Variants in DYNC1H1 observed in about 807,000 individuals in gnomAD.
DYNC1H1 encodes cytoplasmic dynein 1 heavy chain 1.
A neutral mutation model predicts 527.1 loss-of-function variants in DYNC1H1; 51 were observed. The ratio of observed to expected loss-of-function variants is 0.10; its 90% CI spans 0.08 to 0.12. The LOEUF (loss-of-function observed/expected upper bound fraction) is 0.12, where lower values mean the gene tolerates loss of function less well. DYNC1H1 is among the 10% of genes least tolerant of loss of function. The pLI is 1.00. For synonymous variants in DYNC1H1, 2,189 were observed against 2,278.8 expected, an observed-to-expected ratio of 0.96 and a Z score of 1.12; for missense variants, 2,771 against 5,971.8, an observed-to-expected ratio of 0.46 and a Z score of 17.66.
In DYNC1H1 at chr14:102,015,837, C is replaced by T; in HGVS notation, c.7243-19C>T. 1.2e-6 allele frequency: 2 copies of T among 1,613,022 alleles called. No individual in the cohort carries two copies. Among genetic ancestry groups the T allele is most frequent in the Non-Finnish European group, 1.7e-6 (2 of 1,179,196 alleles). On this transcript the variant is annotated intron_variant, in intron 35 of 77. Coordinates refer to ENST00000360184, the MANE Select transcript of DYNC1H1 (RefSeq NM_001376.5). The surrounding 1 kb of genome is among the most constrained non-coding windows in gnomAD (Gnocchi z 6.9). ...TGCCTTTTGAAAGATAGTTAAGTAT[C>T]ACTCCTTCCACTTTCTAGATCCAAA...
At chr14:102,024,788 G>C (rs2152587689) in intron 43 of DYNC1H1, among the ~76,000 whole-genome samples, 1 of 148,152 alleles carries the variant, frequency 6.7e-6, no homozygotes, top group East Asian at 2.0e-4. Context: ...TCCGCCTCCT[G>C]GGTTCACCCC....
intron 18 of DYNC1H1, chr14:102,000,737 G>C: frequency 1.9e-6 from 1 of 531,122 alleles, no homozygotes; most frequent in Non-Finnish European, 3.4e-6. Context: ...ACCACGCCCG[G>C]CTAATTTTGT....
chr14:101,992,104 T>C (rs1210737930), intron 11 of DYNC1H1, among the ~76,000 whole-genome samples: 2 of 152,186 alleles, frequency 1.3e-5, no homozygotes, highest in Non-Finnish European at 2.9e-5. Context: ...AAATCTCAGA[T>C]ATAATATACT....
intron 48 of DYNC1H1, 190 bp downstream of exon 48, chr14:102,028,331 G>T: frequency 3.3e-6 from 2 of 612,328 alleles, no homozygotes; most frequent in Non-Finnish European, 5.7e-6. Flanking sequence ...GGGCAACATG[G>T]CGAGACCCCA....
intron 8 of DYNC1H1, 42 bp from the exon 9 acceptor site, chr14:101,987,411 G>A: frequency 1.9e-6 from 3 of 1,571,430 alleles, no homozygotes; most frequent in Non-Finnish European, 2.6e-6. Flanking sequence ...AAGGAACAGA[G>A]TGTGAGTGGG....
Position 102,038,141 on chromosome 14 carries a change from G to C in DYNC1H1, c.10909-319G>C, listed in dbSNP as rs1415804978. Reference sequence around the variant, plus strand: ...TACAGGCATGTGCCATACACCCCCAGCTAACTTTCGTATTTTTAGTAGAGA... The same window carrying C: ...TACAGGCATGTGCCATACACCCCCACCTAACTTTCGTATTTTTAGTAGAGA... On this transcript the variant is annotated intron_variant, in intron 57 of 77. Coordinates refer to ENST00000360184, the MANE Select transcript of DYNC1H1 (RefSeq NM_001376.5). The surrounding 1 kb of genome is among the most constrained non-coding windows in gnomAD (Gnocchi z 7.2). 2 of 387,112 alleles carry C rather than the reference G, an allele frequency of 5.2e-6. No individual in the cohort carries two copies. The allele number at this position is 387,112 out of a possible 1,614,324, so 24.0% of individuals were successfully genotyped here. A position where few individuals can be genotyped will look rare whatever the true frequency, so the allele number is the denominator to read the frequency against.
chr14:101,978,015 T>G (rs1566995830), intron 2 of DYNC1H1, among the ~76,000 whole-genome samples: 1 of 152,204 alleles, frequency 6.6e-6, no homozygotes. Flanking sequence ...GCCTCCTGAA[T>G]AGTTGGGATT....
rs2047837591 is a variant in DYNC1H1, at chr14:101,979,385, C to T, written c.411C>T (p.Val137=). 1 of 1,614,144 alleles carries T rather than the reference C, an allele frequency of 6.2e-7. No homozygotes were observed. The highest frequency in any genetic ancestry group is 1.3e-5 in the African/African-American group (1 of 75,026). ...AACCCGTGTCTTCTCAGCTCCGGGT[C>T]CTTACACTCAGTGAAGACTCGCCCT... The part of the protein sequence containing the change: ...ADKPVSSQLR[V]LTLSEDSPYE... Residue 137 remains valine, a synonymous_variant, in exon 3 of 78, where the codon GTC becomes GTT. Coordinates refer to ENST00000360184, the MANE Select transcript of DYNC1H1 (RefSeq NM_001376.5). The surrounding 1 kb of genome is among the most constrained non-coding windows in gnomAD (Gnocchi z 4.6).
intron 44 of DYNC1H1, 97 bp downstream of exon 44, chr14:102,026,804 C>T (rs1303622791): frequency 6.5e-7 from 1 of 1,531,898 alleles, no homozygotes; most frequent in Admixed American, 1.9e-5. Context: ...TGTCCTACCA[C>T]CTCCACCTCA....
In DYNC1H1 at chr14:102,050,121, A is replaced by G. The variant is rs1441321381; in HGVS notation, c.13735A>G (p.Asn4579Asp). ...TCNNNKLSLS[N>D]AISTALPLTQ... The stretch of plus-strand genomic sequence containing the variant: ...CAACAACAACAAGCTGTCACTGTCC[A>G]ATGCCATCTCAACCGCCCTTCCCCT... The change falls in exon 77 of 78, where the codon AAT becomes GAT. Residue 4579 changes from asparagine (N) to aspartate (D), a missense_variant. Around this residue, in one of 32 missense-constraint regions of DYNC1H1, gnomAD observed 106 missense variants for 139.2 expected, o/e 0.76. Transcript: ENST00000360184. 5.0e-6 allele frequency: 8 copies of G among 1,590,068 alleles called. No individual in the cohort carries two copies. Among genetic ancestry groups the G allele is most frequent in the Non-Finnish European group, 6.8e-6 (8 of 1,173,862 alleles).
At chr14:101,984,433 A>G (rs7153200) in intron 7 of DYNC1H1, among the ~76,000 whole-genome samples, 18,251 of 98,928 alleles carry the variant, frequency 0.18, 1,839 homozygotes, top group African/African-American at 0.35. Context: ...GTGTGTGTGT[A>G]TATATATATA....
intron 34 of DYNC1H1, among the ~76,000 whole-genome samples, chr14:102,013,658 A>T (rs188859858): frequency 6.6e-6 from 1 of 152,238 alleles, no homozygotes; most frequent in African/African-American, 2.4e-5. Flanking sequence ...GTGAGTTTGT[A>T]CACTGGGCAA....
In DYNC1H1 at chr14:102,018,392, T is replaced by C. The variant is rs943298518; in HGVS notation, c.8178-59T>C. ...GGACAGGGCGACTCCACTGGCACAC[T>C]GCCCCTTCCTGGGAGGCGCTGTCAG... On this transcript the variant is annotated intron_variant, in intron 40 of 77. Coordinates refer to ENST00000360184, the MANE Select transcript of DYNC1H1 (RefSeq NM_001376.5). The surrounding 1 kb of genome is among the most constrained non-coding windows in gnomAD (Gnocchi z 5.2). 1 of 1,595,438 alleles carries C rather than the reference T, an allele frequency of 6.3e-7. No homozygotes were observed. The highest frequency in any genetic ancestry group is 1.3e-5 in the African/African-American group (1 of 74,644).
In DYNC1H1 at chr14:101,986,661, G is replaced by T; in HGVS notation, c.2436G>T (p.Val812=). 1 of 1,613,942 alleles carries T rather than the reference G, an allele frequency of 6.2e-7. No homozygotes were observed. Among genetic ancestry groups the T allele is most frequent in the Non-Finnish European group, 8.5e-7 (1 of 1,179,816 alleles). The part of the protein sequence containing the change: ...SLLVAGLKKE[V]QALIAEGIAL... ...TGGTGGCTGGCTTGAAAAAGGAAGT[G>T]CAGGCCCTGATCGCAGAAGGCATTG... The change falls in exon 8 of 78, where the codon GTG becomes GTT. Residue 812 remains valine (V), a synonymous_variant. Transcript: ENST00000360184. The surrounding 1 kb of genome is among the most constrained non-coding windows in gnomAD (Gnocchi z 8.7).
At position 102,047,920 on chromosome 14, in the gene DYNC1H1, C is replaced by T. The variant is rs754519099; in HGVS notation, c.13110C>T (p.Ser4370=). 2.5e-6 allele frequency: 4 copies of T among 1,613,490 alleles called. No individual in the cohort carries two copies. Among genetic ancestry groups the T allele is most frequent in the Non-Finnish European group, 3.4e-6 (4 of 1,180,006 alleles). Residue 4370 remains serine (S), a synonymous_variant, in exon 73 of 78, where the codon TCC becomes TCT. Transcript: ENST00000360184. ...TEKKTRTDST[S]DGRPAWMRTL... is the part of the protein sequence containing the mutation. Reference sequence around the variant, plus strand: ...AGAAGACGAGGACAGACTCCACGTCCGACGGGCGCCCTGCCTGGATGCGGA... The same window carrying T: ...AGAAGACGAGGACAGACTCCACGTCTGACGGGCGCCCTGCCTGGATGCGGA...
Position 102,042,749 on chromosome 14 carries a change from G to GT in DYNC1H1, c.12513+2dup. 6.2e-7 allele frequency: 1 copy of GT among 1,614,084 alleles called. No homozygotes were observed. Among genetic ancestry groups the GT allele is most frequent in the South Asian group, 1.1e-5 (1 of 91,064 alleles). On this transcript the variant is annotated splice_donor_variant, in intron 69 of 77. Transcript: ENST00000360184. LOFTEE classifies it high-confidence loss of function. The surrounding 1 kb of genome is among the most constrained non-coding windows in gnomAD (Gnocchi z 5.7). ...CATTCCCGTCTCACGGATATGCAAG[G>GT]TAAGTACCTTGTCCTCCTGGTATGC...
At chr14:102,026,399 T>C (rs946225748) in intron 43 of DYNC1H1, among the ~76,000 whole-genome samples, 175 bp from the exon 44 acceptor site, 1 of 152,232 alleles carries the variant, frequency 6.6e-6, no homozygotes, top group Non-Finnish European at 1.5e-5. Context: ...ATAAAAGTTT[T>C]TCATGTTTTT....
In DYNC1H1 at chr14:101,997,115, G is replaced by T. The variant is rs757568646; in HGVS notation, c.3645G>T (p.Glu1215Asp). 6.2e-7 allele frequency: 1 copy of T among 1,614,218 alleles called. No individual in the cohort carries two copies. The highest frequency in any genetic ancestry group is 2.2e-5 in the East Asian group (1 of 44,886). Residue 1215 changes from glutamate (E) to aspartate (D), a missense_variant, in exon 16 of 78, where the codon GAG (glutamate) becomes GAT (aspartate). Glu to Asp is a conservative substitution (Grantham distance 45). This residue lies in a region of DYNC1H1 where 223 missense variants were observed against 462.5 expected (regional missense o/e 0.48). Transcript: ENST00000360184. The surrounding 1 kb of genome is among the most constrained non-coding windows in gnomAD (Gnocchi z 4.8). ...PPSWLYIDNI[E>D]GEWGAFNDIM... Reference sequence around the variant, plus strand: ...CCTGGCTTTATATTGACAACATCGAGGGAGAGTGGGGAGCCTTCAATGACA... The same window carrying T: ...CCTGGCTTTATATTGACAACATCGATGGAGAGTGGGGAGCCTTCAATGACA...
At position 102,039,840 on chromosome 14, in the gene DYNC1H1, C is replaced by T. The variant is rs1595630189; in HGVS notation, c.11690+108C>T. 2 of 961,850 alleles carry T rather than the reference C, an allele frequency of 2.1e-6. No homozygotes were observed. The highest frequency in any genetic ancestry group is 2.8e-6 in the Non-Finnish European group (2 of 726,262). The allele number at this position is 961,850 out of a possible 1,614,324, so 59.6% of individuals were successfully genotyped here. A position where few individuals can be genotyped will look rare whatever the true frequency, so the allele number is the denominator to read the frequency against. On this transcript the variant is annotated intron_variant, in intron 62 of 77. Transcript: ENST00000360184. This position sits in a 1 kb window ranked among gnomAD's most constrained non-coding sequence, Gnocchi z 7.0. ...TTTCTTTTATTTTCTCTTTTATTTT[C>T]TTTATTTTATTTTTTGAGACGGAGT...
Sources: allele counts gnomAD v4.1 joint callset (sites outside exome capture counted in the v4.1 genomes callset), GRCh38; gene constraint gnomAD v4.1.1; regional missense constraint gnomAD v4.1.1; non-coding constraint Gnocchi (gnomAD v3.1); transcripts MANE v1.5; gene names NCBI Gene and HGNC (gene_info 2026-07-23, HGNC 2026-07-21).